Variants in TAFA1 observed in about 807,000 individuals in gnomAD.
TAFA1 encodes TAFA chemokine like family member 1.
TAFA1 carries 4 observed loss-of-function variants against 18.5 expected under a neutral mutation model. The observed-to-expected ratio is 0.22, with a 90% CI of 0.11 to 0.49. The LOEUF (loss-of-function observed/expected upper bound fraction) is 0.49, where lower values mean the gene tolerates loss of function less well. Ranked by LOEUF, TAFA1 falls within the 20% of genes least tolerant of loss-of-function variation. The pLI, the probability that TAFA1 is intolerant of heterozygous loss-of-function variation, is 0.98. For missense variants in TAFA1, 147 were observed against 169.0 expected (o/e 0.87, Z 0.72); for synonymous variants, 56 against 55.2 (o/e 1.01, Z -0.06).
chr3:68,443,130 GATTACATACACTCAAATTCCAT>G (rs2071414460), intron 3 of TAFA1, among the ~76,000 whole-genome samples: 1 of 152,076 alleles, frequency 6.6e-6, no homozygotes, highest in Admixed American at 6.6e-5. Flanking sequence ...AAATGACTCA[GATTACATACACTCAAATTCCAT>G]TGGTAAGGGG....
chr3:68,185,441 T>C (rs1350222509), intron 2 of TAFA1, among the ~76,000 whole-genome samples: 2 of 152,092 alleles, frequency 1.3e-5, no homozygotes, highest in Non-Finnish European at 2.9e-5. Flanking sequence ...TTTGGTATTT[T>C]CATAACATTT....
At chr3:68,431,791 GGAA>G (rs1198076917) in intron 3 of TAFA1, among the ~76,000 whole-genome samples, 1 of 151,956 alleles carries the variant, frequency 6.6e-6, no homozygotes, top group African/African-American at 2.4e-5. Context: ...AATTAAAGAA[GGAA>G]GAAGTTTTTT....
At chr3:68,373,347 TCA>T (rs2069748784) in intron 2 of TAFA1, among the ~76,000 whole-genome samples, 1 of 152,190 alleles carries the variant, frequency 6.6e-6, no homozygotes, top group Non-Finnish European at 1.5e-5. Context: ...GGTTCAGAAA[TCA>T]TGAGTAACTA....
At chr3:68,115,885 A>G (rs1168337827) in intron 2 of TAFA1, among the ~76,000 whole-genome samples, 1 of 152,246 alleles carries the variant, frequency 6.6e-6, no homozygotes, top group Non-Finnish European at 1.5e-5. Context: ...TTGTCACCAC[A>G]AAACATTTCT....
chr3:68,088,139 A>G (rs2064992596), intron 2 of TAFA1, among the ~76,000 whole-genome samples: 1 of 152,218 alleles, frequency 6.6e-6, no homozygotes, highest in African/African-American at 2.4e-5. Context: ...CAAGGCTATT[A>G]AAATATTTTA....
chr3:68,407,547 G>C (rs2070634906), intron 2 of TAFA1, among the ~76,000 whole-genome samples: 1 of 152,074 alleles, frequency 6.6e-6, no homozygotes, highest in Non-Finnish European at 1.5e-5. Flanking sequence ...AATCCCCTTT[G>C]GATATCCCTC....
the TAFA1 span, among the ~76,000 whole-genome samples, chr3:67,996,745 G>A: frequency 0.02 from 3,021 of 151,932 alleles, 113 homozygotes; most frequent in African/African-American, 0.069. Context: ...GTTGCAGTGA[G>A]CCGAGGTCAC....
At chr3:68,198,036 G>T (rs1281391580) in intron 2 of TAFA1, among the ~76,000 whole-genome samples, 1 of 151,662 alleles carries the variant, frequency 6.6e-6, no homozygotes, top group Admixed American at 6.6e-5. Flanking sequence ...TTTAATGAAT[G>T]AATGAATTGG....
At chr3:68,362,029 G>C (rs2106795575) in intron 2 of TAFA1, among the ~76,000 whole-genome samples, 1 of 152,264 alleles carries the variant, frequency 6.6e-6, no homozygotes, top group South Asian at 2.1e-4. Context: ...CTGTCTAGTA[G>C]AGGGAGAAAA....
intron 2 of TAFA1, among the ~76,000 whole-genome samples, chr3:68,015,662 T>G (rs1704556352): frequency 6.6e-6 from 1 of 152,202 alleles, no homozygotes; most frequent in Non-Finnish European, 1.5e-5. Flanking sequence ...TCAAGCAGCA[T>G]AGAGATGCAT....
intron 2 of TAFA1, among the ~76,000 whole-genome samples, chr3:68,264,915 A>C (rs1361098873): frequency 6.6e-6 from 1 of 152,140 alleles, no homozygotes; most frequent in East Asian, 1.9e-4. Flanking sequence ...ACAAATTTAC[A>C]TAAAAAGATA....
chr3:68,464,218 A>C (rs1575891296), intron 3 of TAFA1, among the ~76,000 whole-genome samples: 1 of 152,232 alleles, frequency 6.6e-6, no homozygotes, highest in Non-Finnish European at 1.5e-5. Flanking sequence ...GAAAACAGAC[A>C]AAACCCTGGC....
chr3:68,033,109 G>T (rs1267874948), intron 2 of TAFA1, among the ~76,000 whole-genome samples: 1 of 152,168 alleles, frequency 6.6e-6, no homozygotes, highest in Non-Finnish European at 1.5e-5. Context: ...TAATGAAAAA[G>T]TGGTCAAATT....
At chr3:68,074,802 T>A (rs1281771021) in intron 2 of TAFA1, among the ~76,000 whole-genome samples, 1 of 152,234 alleles carries the variant, frequency 6.6e-6, no homozygotes, top group Non-Finnish European at 1.5e-5. Context: ...CAATTTTGAA[T>A]CCTGAAAATT....
chr3:68,355,100 G>C (rs888805675), intron 2 of TAFA1, among the ~76,000 whole-genome samples: 4 of 151,906 alleles, frequency 2.6e-5, no homozygotes, highest in Admixed American at 1.3e-4. Context: ...TGGACATATG[G>C]GAAGTGGTGT....
chr3:68,312,241 A>AT (rs35049112), intron 2 of TAFA1, among the ~76,000 whole-genome samples: 15,652 of 152,102 alleles, frequency 0.1, 1,240 homozygotes, highest in East Asian at 0.36. Context: ...CCCTGGAGAC[A>AT]TTTTTCTCAT....
chr3:68,123,556 C>G (rs76582780), intron 2 of TAFA1, among the ~76,000 whole-genome samples: 2,466 of 152,202 alleles, frequency 0.016, 57 homozygotes, highest in African/African-American at 0.055. Flanking sequence ...GACTTTTTCA[C>G]TTTTCTGAAA....
intron 2 of TAFA1, among the ~76,000 whole-genome samples, chr3:68,285,585 TA>T (rs1173340770): frequency 2.0e-5 from 3 of 152,122 alleles, no homozygotes; most frequent in Non-Finnish European, 4.4e-5. Flanking sequence ...TGACTTTATA[TA>T]AAAAACCTTC....
intron 2 of TAFA1, among the ~76,000 whole-genome samples, chr3:68,063,909 T>A (rs1269928284): frequency 6.6e-6 from 1 of 152,166 alleles, no homozygotes; most frequent in Non-Finnish European, 1.5e-5. Flanking sequence ...ATAAAAAGAT[T>A]ACCCACTCTG....
Sources: allele counts gnomAD v4.1 joint callset (sites outside exome capture counted in the v4.1 genomes callset), GRCh38; gene constraint gnomAD v4.1.1; transcripts MANE v1.5; gene names NCBI Gene and HGNC (gene_info 2026-07-23, HGNC 2026-07-21).